The following ZAN variants were observed in gnomAD, a reference collection of about 807,000 sequenced individuals.
ZAN encodes the protein zonadhesin, also known as zonadhesin (gene/pseudogene).
Under a neutral mutation model 286.2 loss-of-function variants are expected in ZAN, and 260 were observed. The observed-to-expected ratio is 0.91, with a 90% CI of 0.82 to 1.01. The LOEUF is 1.01. Among genes scored for constraint, ZAN ranks in the 50% least tolerant of loss-of-function variants. The probability of loss-of-function intolerance (pLI) is 0.00; values close to 1 mark genes in which losing one functional copy is unlikely to be tolerated. For missense variants in ZAN, 3,410 were observed against 3,639.2 expected (o/e 0.94, Z 1.62); for synonymous variants, 1,368 against 1,417.5 (o/e 0.97, Z 0.79).
Position 100,736,943 on chromosome 7 carries a change from G to A in ZAN, c.388G>A (p.Ala130Thr), listed in dbSNP as rs562124194. The A allele has an allele frequency of 1.8e-5, 27 of 1,501,926 alleles. 3 individuals are homozygous for A. Among genetic ancestry groups the A allele is most frequent in the East Asian group, 9.3e-5 (4 of 43,042 alleles). 93.0% of individuals were successfully genotyped at this position (1,501,926 alleles called of 1,614,324 possible). ...CCACATGTTCGGGCTGTCTTGGGGC[G>A]CCCAGCTCAGGCTGCTGCTGCTCTC... ...AHHMFGLSWGAQLRLLLLSGE... is the reference protein window; with the variant it reads ...AHHMFGLSWGTQLRLLLLSGE... The change falls in exon 5 of 48, where the codon GCC becomes ACC. Residue 130 changes from alanine (A) to threonine (T), a missense_variant. By Grantham distance (58) the Ala-to-Thr change is moderately conservative (BLOSUM62 0). Coordinates refer to ENST00000613979, the MANE Select transcript of ZAN (RefSeq NM_003386.3).
rs746212669 is a variant in ZAN at position 100,773,239 on chromosome 7, G to T, written c.5426-46G>T. 3 of 1,598,956 alleles carry T rather than the reference G, an allele frequency of 1.9e-6. No homozygotes were observed. In the Admixed American group the frequency reaches 5.1e-5, roughly 27 times the overall value. ...GCTTTTGATGCCCCAAGGTTTGGGG[G>T]CTGGACATGCCACCCCACTCTTCCT... On this transcript the variant is annotated intron_variant, in intron 29 of 47. Coordinates refer to ENST00000613979, the MANE Select transcript of ZAN (RefSeq NM_003386.3).
At chr7:100,764,235 T>A in intron 22 of ZAN, 39 bp downstream of exon 22, 1 of 1,472,516 alleles carries the variant, frequency 6.8e-7, no homozygotes, top group Non-Finnish European at 9.0e-7. Context: ...CCGGGCACGG[T>A]GGCTCACACC....
At chr7:100,783,468 T>C (rs960443917) in intron 35 of ZAN, among the ~76,000 whole-genome samples, 2 of 150,490 alleles carry the variant, frequency 1.3e-5, no homozygotes, top group African/African-American at 4.9e-5. Flanking sequence ...GTGTGGTGGC[T>C]CATGCCTGTA....
At chr7:100,766,741 G>A (rs1810002915) in intron 24 of ZAN, 75 bp downstream of exon 24, 1 of 1,498,708 alleles carries the variant, frequency 6.7e-7, no homozygotes, top group Admixed American at 2.2e-5. Flanking sequence ...CCTGCCCAAA[G>A]CAGCTTCCCC....
chr7:100,780,634 C>G (rs188078803), intron 35 of ZAN, among the ~76,000 whole-genome samples: 25 of 140,294 alleles, frequency 1.8e-4, no homozygotes, highest in Admixed American at 6.3e-4. Flanking sequence ...GCACTCAAGT[C>G]TGGGTGACAG....
chr7:100,771,946 G>C lies in ZAN; in HGVS notation c.5351G>C (p.Arg1784Pro). 1.2e-6 allele frequency: 2 copies of C among 1,611,586 alleles called. No homozygotes were observed. Among genetic ancestry groups the C allele is most frequent in the Non-Finnish European group, 1.7e-6 (2 of 1,179,658 alleles). Residue 1784 changes from arginine (R) to proline (P), a missense_variant, in exon 29 of 48, where the codon CGC (arginine) becomes CCC (proline). By Grantham distance (103) the Arg-to-Pro change is moderately radical. Coordinates refer to ENST00000613979, the MANE Select transcript of ZAN (RefSeq NM_003386.3). ...GTKGDTTALC[R>P]SLQAYASLCA... is the part of the protein sequence containing the mutation. ...AAGGGCGACACCACAGCCCTGTGCCGCTCCCTGCAGGCCTACGCGTCCCTG... is the reference window on the plus strand; with the variant it reads ...AAGGGCGACACCACAGCCCTGTGCCCCTCCCTGCAGGCCTACGCGTCCCTG...
chr7:100,792,641 C>T (rs2116337417), intron 42 of ZAN, 162 bp downstream of exon 42: 3 of 1,416,894 alleles, frequency 2.1e-6, no homozygotes, highest in South Asian at 3.0e-5. Context: ...GGCTTTCTGT[C>T]TTAGTCCCAT....
At chr7:100,778,371 A>T (rs548453031) in intron 34 of ZAN, among the ~76,000 whole-genome samples, 5 of 150,980 alleles carry the variant, frequency 3.3e-5, no homozygotes, top group African/African-American at 1.2e-4. Flanking sequence ...CGTGAGGCCA[A>T]TGTGGGAGGA....
rs1809984615 is a variant in ZAN, at chr7:100,766,545, G to A, written c.4491G>A (p.Lys1497=). ...CCCAGGTAGGGGAGCGGTGGTACAAGCCAGGCTGCAAAGAGTTGTGCGTCT... is the reference window on the plus strand; with the variant it reads ...CCCAGGTAGGGGAGCGGTGGTACAAACCAGGCTGCAAAGAGTTGTGCGTCT... ...SYFKVGERWY[K]PGCKELCVCE... is the part of the protein sequence containing the mutation. The change falls in exon 24 of 48, where the codon AAG becomes AAA. Residue 1497 remains lysine (K), a synonymous_variant. Transcript: ENST00000613979. The A allele has an allele frequency of 1.3e-6, 2 of 1,551,602 alleles. No individual in the cohort carries two copies. The highest frequency in any genetic ancestry group is 1.2e-5 in the South Asian group (1 of 84,054).
At chr7:100,742,231 G>T (rs1310402167) in intron 7 of ZAN, among the ~76,000 whole-genome samples, 32 of 118,128 alleles carry the variant, frequency 2.7e-4, no homozygotes, top group African/African-American at 1.0e-3. Context: ...CCCAGATGGG[G>T]CGGTGGGGCA....
At chr7:100,754,660 C>T (rs1377406467) in intron 14 of ZAN, among the ~76,000 whole-genome samples, 3 of 151,544 alleles carry the variant, frequency 2.0e-5, no homozygotes, top group Admixed American at 6.6e-5. Context: ...TGCACCACCA[C>T]GACTGGCTAA....
At chr7:100,791,499 C>G (rs771388671) in intron 40 of ZAN, among the ~76,000 whole-genome samples, 3 of 150,880 alleles carry the variant, frequency 2.0e-5, no homozygotes, top group Non-Finnish European at 3.0e-5. Flanking sequence ...CTCTGCCTCC[C>G]AGTTTCAAGT....
chr7:100,787,940 GCTTCAGC>G lies in ZAN; in HGVS notation c.7032_7038del (p.Phe2345ThrfsTer7). Reference sequence around the variant, plus strand: ...GACCCCCGTTACCTCACATTTGACGGCTTCAGCTACCGCTTGCAAGGCCGCATGACCT... The same window carrying G: ...GACCCCCGTTACCTCACATTTGACGGTACCGCTTGCAAGGCCGCATGACCT... On this transcript the variant is annotated frameshift_variant, in exon 38 of 48. Coordinates refer to ENST00000613979, the MANE Select transcript of ZAN (RefSeq NM_003386.3). LOFTEE classifies it high-confidence loss of function. 2.0e-6 allele frequency: 1 copy of G among 500,016 alleles called. No homozygotes were observed. The highest frequency in any genetic ancestry group is 3.6e-6 in the Non-Finnish European group (1 of 276,762). The allele number at this position is 500,016 out of a possible 1,614,324, so 31.0% of individuals were successfully genotyped here. A position where few individuals can be genotyped will look rare whatever the true frequency, so the allele number is the denominator to read the frequency against.
At chr7:100,792,206 C>A in intron 41 of ZAN, 58 bp downstream of exon 41, 2 of 1,514,982 alleles carry the variant, frequency 1.3e-6, no homozygotes, top group East Asian at 2.3e-5. Context: ...TGGTCTTTCC[C>A]TGGGGCCTCC....
intron 17 of ZAN, among the ~76,000 whole-genome samples, chr7:100,759,481 C>T (rs1809385718): frequency 6.6e-6 from 1 of 152,148 alleles, no homozygotes; most frequent in South Asian, 2.1e-4. Flanking sequence ...GGTTAGGGAG[C>T]ACAGACGCCC....
In ZAN at chr7:100,734,095, G is replaced by T. The variant is rs374203981; in HGVS notation, c.-74G>T. The T allele has an allele frequency of 1.7e-5, 17 of 996,080 alleles. 3 individuals are homozygous for T. Among genetic ancestry groups the T allele is most frequent in the African/African-American group, 8.3e-5 (5 of 59,906 alleles). 61.7% of individuals were successfully genotyped at this position (996,080 alleles called of 1,614,324 possible). ...AAGGATGCCAAGCTAAGGAGGCCAGGGGGGAATAAAAGGAGTCCAGGCTCC... is the reference window on the plus strand; with the variant it reads ...AAGGATGCCAAGCTAAGGAGGCCAGTGGGGAATAAAAGGAGTCCAGGCTCC... On this transcript the variant is annotated 5_prime_UTR_variant, in exon 2 of 48. Coordinates refer to ENST00000613979, the MANE Select transcript of ZAN (RefSeq NM_003386.3).
rs1811932010 is a variant in ZAN, at chr7:100,791,169, G to GTGGC, written c.7529+57_7529+60dup. On this transcript the variant is annotated intron_variant, in intron 40 of 47. Transcript: ENST00000613979. Reference sequence around the variant, plus strand: ...AGGTGAACAACAATGTCTGTGCACGGTGGCCGCTAGCCCTCCTGTCCTCAG... The same window carrying GTGGC: ...AGGTGAACAACAATGTCTGTGCACGGTGGCTGGCCGCTAGCCCTCCTGTCCTCAG... 4 of 1,560,546 alleles carry GTGGC rather than the reference G, an allele frequency of 2.6e-6. No individual in the cohort carries two copies. The South Asian group carries it at 4.7e-5, about 18-fold the overall frequency.
chr7:100,753,336 A>G (rs1017209159), intron 14 of ZAN, 107 bp downstream of exon 14: 11 of 1,260,064 alleles, frequency 8.7e-6, no homozygotes, highest in Admixed American at 2.8e-5. Context: ...TTGCTTCTAG[A>G]TGCTTCTAGT....
At position 100,797,437 on chromosome 7, in the gene ZAN, G is replaced by A. The variant is rs1450967020; in HGVS notation, c.8338G>A (p.Glu2780Lys). The change falls in exon 46 of 48, where the codon GAG becomes AAG. Residue 2780 changes from glutamate to lysine, a missense_variant. Glu to Lys is a moderately conservative substitution (Grantham distance 56). Transcript: ENST00000613979. ...GGTCGTACTACTGGCCGTGACCAGA[G>A]AGTGCATTTACAGAACGAGGAGGAA... ...VVVVLLAVTR[E>K]CIYRTRRKRE... The A allele has an allele frequency of 2.5e-6, 4 of 1,613,866 alleles. No individual in the cohort carries two copies. The highest frequency in any genetic ancestry group is 1.3e-5 in the African/African-American group (1 of 74,922).
Sources: gnomAD v4.1 joint callset for allele counts (sites outside exome capture counted in the v4.1 genomes callset) on GRCh38, gnomAD v4.1.1 for gene constraint, MANE v1.5 for transcripts, NCBI Gene and HGNC (gene_info 2026-07-23, HGNC 2026-07-21) for gene names.